Variants in IL1R2 observed in about 807,000 individuals in gnomAD.
IL1R2 encodes interleukin-1 receptor type 2.
In IL1R2, 46 loss-of-function variants were observed where a neutral mutation model predicts 39.5. The observed-to-expected ratio is 1.16, with a 90% CI of 0.92 to 1.49. The LOEUF (loss-of-function observed/expected upper bound fraction) is 1.49. Ranked by LOEUF, IL1R2 falls within the 40% of genes most tolerant of loss-of-function variation. The pLI, the probability that IL1R2 is intolerant of heterozygous loss-of-function variation, is 0.00. For synonymous variants in IL1R2, 207 were observed against 189.6 expected, an observed-to-expected ratio of 1.09 and a Z score of -0.75; for missense variants, 537 against 502.0, an observed-to-expected ratio of 1.07 and a Z score of -0.67.
At position 102,009,744 on chromosome 2, in the gene IL1R2, A is replaced by G; in HGVS notation, c.250A>G (p.Thr84Ala). 6.2e-7 allele frequency: 1 copy of G among 1,614,186 alleles called. No individual in the cohort carries two copies. The highest frequency in any genetic ancestry group is 8.5e-7 in the Non-Finnish European group (1 of 1,180,040). Reference protein sequence around the residue: ...SARTVPGEEETRMWAQDGALW... With the variant: ...SARTVPGEEEARMWAQDGALW... ...TAGGACGGTCCCAGGAGAAGAAGAG[A>G]CACGGATGTGGGCCCAGGACGGTGC... is the stretch of plus-strand genomic sequence containing the variant. The change falls in exon 3 of 9, where the codon ACA (threonine) becomes GCA (alanine). Residue 84 changes from threonine (T) to alanine (A), a missense_variant. By Grantham distance (58) the Thr-to-Ala change is moderately conservative. Coordinates refer to ENST00000332549, the MANE Select transcript of IL1R2 (RefSeq NM_004633.4).
At chr2:102,004,220 A>G (rs1026902512) in intron 1 of IL1R2, among the ~76,000 whole-genome samples, 3 of 152,144 alleles carry the variant, frequency 2.0e-5, no homozygotes, top group Non-Finnish European at 4.4e-5. Flanking sequence ...AGGTGGAGTA[A>G]GCACTTACAT....
At chr2:102,012,238 G>A (rs988510954) in intron 3 of IL1R2, among the ~76,000 whole-genome samples, 1 of 152,100 alleles carries the variant, frequency 6.6e-6, no homozygotes, top group African/African-American at 2.4e-5. Flanking sequence ...GGCTTGATTG[G>A]GAACTAGTGT....
intron 4 of IL1R2, among the ~76,000 whole-genome samples, chr2:102,019,292 A>G (rs1677206944): frequency 1.3e-5 from 2 of 152,232 alleles, no homozygotes; most frequent in African/African-American, 4.8e-5. Flanking sequence ...TGCTCTTCCC[A>G]GATACTTCCT....
chr2:101,996,488 T>TTA (rs1476300491), intron 1 of IL1R2, among the ~76,000 whole-genome samples: 1 of 138,428 alleles, frequency 7.2e-6, no homozygotes, highest in African/African-American at 2.9e-5. Flanking sequence ...TTTCAGTGTT[T>TTA]TTTTTTTTTT....
chr2:102,003,180 G>A (rs140194279), intron 1 of IL1R2, among the ~76,000 whole-genome samples: 11 of 91,746 alleles, frequency 1.2e-4, no homozygotes, highest in Non-Finnish European at 2.0e-4. Context: ...GTCTGTGTCT[G>A]TGTCTCTGTC....
chr2:102,009,249 T>C (rs1305214743), intron 2 of IL1R2, among the ~76,000 whole-genome samples: 2 of 152,120 alleles, frequency 1.3e-5, no homozygotes, highest in Non-Finnish European at 2.9e-5. Context: ...GTGAAAACTA[T>C]GGCCATAGTT....
intron 8 of IL1R2, among the ~76,000 whole-genome samples, chr2:102,027,149 AC>A (rs1677792132): frequency 6.6e-6 from 1 of 152,162 alleles, no homozygotes; most frequent in South Asian, 2.1e-4. Context: ...CTCCAGATCC[AC>A]CCTGTCAAAT....
chr2:102,012,035 A>G (rs1467213023), intron 3 of IL1R2, among the ~76,000 whole-genome samples: 2 of 152,112 alleles, frequency 1.3e-5, no homozygotes, highest in East Asian at 3.8e-4. Flanking sequence ...GACATGTCCT[A>G]CTCCTTCTTG....
intron 1 of IL1R2, among the ~76,000 whole-genome samples, chr2:101,996,064 C>G (rs1042002355): frequency 6.6e-6 from 1 of 152,070 alleles, no homozygotes; most frequent in Non-Finnish European, 1.5e-5. Flanking sequence ...ATGCACAGGC[C>G]TGGAATCGGC....
At chr2:102,024,802 T>TA in intron 7 of IL1R2, 134 bp downstream of exon 7, 1 of 1,127,760 alleles carries the variant, frequency 8.9e-7, no homozygotes, top group Non-Finnish European at 1.2e-6. Flanking sequence ...GTTTAGAATT[T>TA]AAAAAATTGT....
At chr2:101,994,894 A>T (rs1381914893) in intron 1 of IL1R2, among the ~76,000 whole-genome samples, 2 of 152,220 alleles carry the variant, frequency 1.3e-5, no homozygotes, top group Non-Finnish European at 2.9e-5. Context: ...GGAAGAAGTT[A>T]GTGTAAAGTT....
chr2:102,001,447 C>T (rs1038003321), intron 1 of IL1R2, among the ~76,000 whole-genome samples: 126 of 152,282 alleles, frequency 8.3e-4, no homozygotes, highest in African/African-American at 3.0e-3. Flanking sequence ...CTCACCAGAC[C>T]CCACCAGGGA....
intron 1 of IL1R2, among the ~76,000 whole-genome samples, chr2:102,002,324 GTC>G (rs1158646667): frequency 4.7e-5 from 7 of 150,486 alleles, no homozygotes; most frequent in Admixed American, 3.3e-4. Context: ...CTGTGTCTGT[GTC>G]TGTGTGTCTG....
In IL1R2 at chr2:102,028,286, T is replaced by G. The variant is rs1559433181; in HGVS notation, c.1091T>G (p.Leu364Trp). 3 of 1,612,862 alleles carry G rather than the reference T, an allele frequency of 1.9e-6. No homozygotes were observed. Among genetic ancestry groups the G allele is most frequent in the Admixed American group, 1.7e-5 (1 of 59,758 alleles). ...CCACTTTCACTGGCCTTCTTGGTTT[T>G]GGGGGGAATATGGATGCACAGACGG... is the stretch of plus-strand genomic sequence containing the variant. ...LAPLSLAFLV[L>W]GGIWMHRRCK... Residue 364 changes from leucine (L) to tryptophan (W), a missense_variant, in exon 9 of 9, where the codon TTG becomes TGG. Leu to Trp is a moderately conservative substitution (Grantham distance 61). Coordinates refer to ENST00000332549, the MANE Select transcript of IL1R2 (RefSeq NM_004633.4).
At chr2:102,004,959 T>G (rs1157286239) in intron 1 of IL1R2, among the ~76,000 whole-genome samples, 1 of 152,204 alleles carries the variant, frequency 6.6e-6, no homozygotes, top group Non-Finnish European at 1.5e-5. Flanking sequence ...TTAGGATTCG[T>G]TCTACTGGAA....
intron 3 of IL1R2, among the ~76,000 whole-genome samples, chr2:102,012,310 C>T (rs1191887851): frequency 6.6e-6 from 1 of 152,186 alleles, no homozygotes; most frequent in Non-Finnish European, 1.5e-5. Flanking sequence ...CTCCTTCCAC[C>T]AGCTGGCTTC....
At chr2:102,009,056 A>C (rs149947770) in intron 2 of IL1R2, among the ~76,000 whole-genome samples, 27 of 152,168 alleles carry the variant, frequency 1.8e-4, no homozygotes, top group African/African-American at 6.3e-4. Context: ...AAATTAAAAA[A>C]AAGAAAAAAG....
chr2:102,020,803 C>T (rs987973101), intron 5 of IL1R2, among the ~76,000 whole-genome samples: 4 of 152,178 alleles, frequency 2.6e-5, no homozygotes, highest in African/African-American at 4.8e-5. Flanking sequence ...TAGGGGGCAG[C>T]CGCCCTACAT....
At chr2:101,999,614 G>T (rs186446321) in intron 1 of IL1R2, among the ~76,000 whole-genome samples, 49 of 152,312 alleles carry the variant, frequency 3.2e-4, no homozygotes, top group South Asian at 6.2e-4. Context: ...CAAGAGACCT[G>T]GGAGGTCTCA....
Sources: gnomAD v4.1 joint callset for allele counts (sites outside exome capture counted in the v4.1 genomes callset) on GRCh38, gnomAD v4.1.1 for gene constraint, MANE v1.5 for transcripts, NCBI Gene and HGNC (gene_info 2026-07-23, HGNC 2026-07-21) for gene names.